The following EFHC2 variants were observed in gnomAD, a reference collection of about 807,000 sequenced individuals.
The protein encoded by EFHC2 is EF-hand domain containing 2.
In EFHC2, 18 loss-of-function variants were observed where a neutral mutation model predicts 52.7. The observed-to-expected ratio is 0.34, with a 90% CI of 0.24 to 0.51. The LOEUF is 0.51. EFHC2 is among the 20% of genes least tolerant of loss of function. The probability of loss-of-function intolerance (pLI) is 0.97; values close to 1 mark genes in which losing one functional copy is unlikely to be tolerated. For synonymous variants in EFHC2, 203 were observed against 204.1 expected (o/e 0.99, Z 0.04); for missense variants, 513 against 562.5 (o/e 0.91, Z 0.89).
chrX:44,263,739 AC>A (rs1234294166), intron 3 of EFHC2, among the ~76,000 whole-genome samples: 2 of 112,314 alleles, frequency 1.8e-5, no homozygotes, highest in African/African-American at 6.5e-5. Context: ...ATTATATACT[AC>A]TTTAAAAATA....
At chrX:44,235,155 A>G in intron 9 of EFHC2, 150 bp downstream of exon 9, 1 of 465,063 alleles carries the variant, frequency 2.2e-6, no homozygotes, top group Admixed American at 5.5e-5. Flanking sequence ...AGAGATCTGT[A>G]AAAAGAACCC....
chrX:44,148,712 T>C lies in EFHC2; in HGVS notation c.*83A>G. 3.7e-6 allele frequency: 3 copies of C among 817,110 alleles called. No homozygotes were observed. Among genetic ancestry groups the C allele is most frequent in the Non-Finnish European group, 5.2e-6 (3 of 579,566 alleles). The allele number at this position is 817,110 out of a possible 1,213,427, so 67.3% of individuals were successfully genotyped here. ...TAATATAAACCTTGTTTCTTTTTTG[T>C]TTTTAATGAAATTATATCTACTAAA... On this transcript the variant is annotated 3_prime_UTR_variant, in exon 15 of 15. Coordinates refer to ENST00000420999, the MANE Select transcript of EFHC2 (RefSeq NM_025184.4).
chrX:44,196,066 A>C (rs759618300), intron 11 of EFHC2, among the ~76,000 whole-genome samples: 1 of 111,342 alleles, frequency 9.0e-6, no homozygotes, highest in Non-Finnish European at 1.9e-5. Flanking sequence ...ACAGGTGTGC[A>C]CCACCATGTC....
intron 13 of EFHC2, among the ~76,000 whole-genome samples, chrX:44,165,341 C>A (rs2036688544): frequency 9.0e-6 from 1 of 111,476 alleles, no homozygotes; most frequent in Admixed American, 9.6e-5. Context: ...TTCTGTAATT[C>A]TTTTGTGTAC....
rs1406841697 is a variant in EFHC2 at position 44,242,279 on chromosome X, G to C, written c.1122C>G (p.Thr374=). Residue 374 remains threonine (T), a synonymous_variant, in exon 8 of 15, where the codon ACC becomes ACG. Coordinates refer to ENST00000420999, the MANE Select transcript of EFHC2 (RefSeq NM_025184.4). The stretch of plus-strand genomic sequence containing the variant: ...GAGAAGGAGGCTTGCATGAAACTGA[G>C]GTAAAGTTCTCTAGAACAAAACAAA... ...YKSKYGIENF[T]SVSCKPPSPP... is the part of the protein sequence containing the mutation. The C allele has an allele frequency of 2.4e-5, 29 of 1,203,532 alleles. No individual in the cohort carries two copies. The Admixed American group carries it at 6.5e-4, about 27-fold the overall frequency.
At chrX:44,233,948 A>G (rs1034006786) in intron 9 of EFHC2, among the ~76,000 whole-genome samples, 6 of 111,391 alleles carry the variant, frequency 5.4e-5, no homozygotes, top group Non-Finnish European at 1.1e-4. Flanking sequence ...CTCCCTGTCA[A>G]CCTTGTCGAA....
chrX:44,174,654 G>A (rs1264031306), intron 13 of EFHC2, among the ~76,000 whole-genome samples: 8 of 102,332 alleles, frequency 7.8e-5, no homozygotes, highest in Admixed American at 2.1e-4. Context: ...AAAAAAAAGG[G>A]GGGGGGAGGG....
chrX:44,182,295 T>C (rs1474172130), intron 11 of EFHC2, among the ~76,000 whole-genome samples: 1 of 112,851 alleles, frequency 8.9e-6, no homozygotes, highest in Non-Finnish European at 1.9e-5. Context: ...ACTATCATAC[T>C]ATTGTTCATT....
At chrX:44,316,410 G>A (rs183736271) in intron 1 of EFHC2, among the ~76,000 whole-genome samples, 7 of 112,169 alleles carry the variant, frequency 6.2e-5, no homozygotes, top group African/African-American at 2.3e-4. Context: ...CCCAACCCTA[G>A]AATAGAAGCC....
At chrX:44,310,363 G>A (rs959492964) in intron 2 of EFHC2, 55 of 894,142 alleles carry the variant, frequency 6.2e-5, no homozygotes, top group Middle Eastern at 3.4e-4. Flanking sequence ...CCCGGGTCCC[G>A]CTCAGGGCCG....
At chrX:44,177,622 ACAAT>A (rs891234922) in intron 12 of EFHC2, among the ~76,000 whole-genome samples, 2 of 112,299 alleles carry the variant, frequency 1.8e-5, no homozygotes, top group Non-Finnish European at 3.8e-5. Context: ...CAACACGCAC[ACAAT>A]CAATGTATAA....
intron 7 of EFHC2, among the ~76,000 whole-genome samples, chrX:44,245,297 T>C (rs2037391750): frequency 8.9e-6 from 1 of 112,154 alleles, no homozygotes; most frequent in African/African-American, 3.2e-5. Flanking sequence ...GCAACAAGAA[T>C]GAACAATCTT....
intron 2 of EFHC2, among the ~76,000 whole-genome samples, chrX:44,289,677 CTT>C (rs1207899077): frequency 0.012 from 852 of 72,242 alleles, 5 homozygotes; most frequent in African/African-American, 0.049. Context: ...TCTTTTCTTT[CTT>C]TTTTTTTTTT....
intron 11 of EFHC2, among the ~76,000 whole-genome samples, chrX:44,214,448 G>GA (rs779576986): frequency 4.1e-4 from 46 of 112,344 alleles, no homozygotes; most frequent in Non-Finnish European, 7.3e-4. Context: ...CAAGCAAGAA[G>GA]AGAGTACACT....
At chrX:44,261,620 C>A (rs918315311) in intron 3 of EFHC2, among the ~76,000 whole-genome samples, 1 of 108,767 alleles carries the variant, frequency 9.2e-6, no homozygotes, top group African/African-American at 3.4e-5. Flanking sequence ...CGAAAAATAC[C>A]AGACGCTGCC....
At chrX:44,226,450 C>A (rs2037232865) in intron 11 of EFHC2, among the ~76,000 whole-genome samples, 1 of 111,330 alleles carries the variant, frequency 9.0e-6, no homozygotes, top group Admixed American at 9.5e-5. Flanking sequence ...TGGGGATGCC[C>A]ATGATGGCCT....
chrX:44,179,256 T>C (rs2036815416), intron 11 of EFHC2, among the ~76,000 whole-genome samples: 1 of 111,234 alleles, frequency 9.0e-6, no homozygotes, highest in South Asian at 3.7e-4. Context: ...AATGTAACTC[T>C]GTATGAAAGC....
intron 11 of EFHC2, among the ~76,000 whole-genome samples, chrX:44,198,617 G>A (rs893944946): frequency 1.6e-4 from 18 of 111,389 alleles, no homozygotes; most frequent in African/African-American, 5.9e-4. Context: ...AATGTCCCCA[G>A]GTACCAACGC....
At chrX:44,282,059 G>A (rs747098886) in intron 2 of EFHC2, among the ~76,000 whole-genome samples, 3 of 110,263 alleles carry the variant, frequency 2.7e-5, no homozygotes, top group South Asian at 3.9e-4. Flanking sequence ...TTCCCCGCAC[G>A]TAGTCCAAAG....
Sources: gnomAD v4.1 joint callset for allele counts (sites outside exome capture counted in the v4.1 genomes callset) on GRCh38, gnomAD v4.1.1 for gene constraint, MANE v1.5 for transcripts, NCBI Gene and HGNC (gene_info 2026-07-23, HGNC 2026-07-21) for gene names.